Variants in DLGAP1 observed in about 807,000 individuals in gnomAD.
DLGAP1 encodes the protein DLG associated protein 1.
A neutral mutation model predicts 90.8 loss-of-function variants in DLGAP1; 11 were observed. That is an observed-to-expected ratio of 0.12 (90% CI 0.08 to 0.20). DLGAP1 has a LOEUF of 0.20. Among genes scored for constraint, DLGAP1 ranks in the 10% least tolerant of loss-of-function variants. The pLI, the probability that DLGAP1 is intolerant of heterozygous loss-of-function variation, is 1.00. For synonymous variants in DLGAP1, 558 were observed against 540.7 expected, an observed-to-expected ratio of 1.03 and a Z score of -0.44; for missense variants, 1,050 against 1,333.8, an observed-to-expected ratio of 0.79 and a Z score of 3.31.
intron 1 of DLGAP1, among the ~76,000 whole-genome samples, chr18:4,411,629 G>C (rs1345804581): frequency 6.6e-6 from 1 of 152,158 alleles, no homozygotes; most frequent in Non-Finnish European, 1.5e-5. Context: ...CAGCGAGGCA[G>C]CTTTTCTTCT....
At chr18:4,266,198 CCATCA>C (rs2079128567) in intron 1 of DLGAP1, among the ~76,000 whole-genome samples, 2 of 152,294 alleles carry the variant, frequency 1.3e-5, no homozygotes, top group Non-Finnish European at 2.9e-5. Flanking sequence ...CAACCAACCT[CCATCA>C]CTTCTTCTTG....
chr18:4,327,087 A>C (rs2080835170), intron 1 of DLGAP1, among the ~76,000 whole-genome samples: 1 of 108,770 alleles, frequency 9.2e-6, no homozygotes, highest in East Asian at 2.7e-4. Context: ...TGTTAATTAA[A>C]GAATACAAAT....
intron 1 of DLGAP1, among the ~76,000 whole-genome samples, chr18:4,186,176 A>T (rs2077292117): frequency 6.6e-6 from 1 of 152,202 alleles, no homozygotes; most frequent in Non-Finnish European, 1.5e-5. Flanking sequence ...GCTGGATTTT[A>T]GACCTTTTTC....
intron 1 of DLGAP1, among the ~76,000 whole-genome samples, chr18:4,283,392 G>T (rs775408890): frequency 6.6e-6 from 1 of 152,084 alleles, no homozygotes; most frequent in African/African-American, 2.4e-5. Flanking sequence ...TGTAGCAAAA[G>T]GATTAGATTT....
chr18:3,927,710 A>G (rs2072423311), intron 3 of DLGAP1, among the ~76,000 whole-genome samples: 1 of 152,248 alleles, frequency 6.6e-6, no homozygotes, highest in African/African-American at 2.4e-5. Flanking sequence ...AGAGTCTTTA[A>G]ACATGAAGTC....
At chr18:4,346,130 T>C (rs557842073) in intron 1 of DLGAP1, among the ~76,000 whole-genome samples, 30 of 152,324 alleles carry the variant, frequency 2.0e-4, no homozygotes, top group African/African-American at 5.8e-4. Context: ...ATGTTACTCA[T>C]ACATGTTAAA....
chr18:3,950,282 T>C (rs145453377), intron 3 of DLGAP1, among the ~76,000 whole-genome samples: 1 of 152,350 alleles, frequency 6.6e-6, no homozygotes, highest in East Asian at 1.9e-4. Flanking sequence ...TTCACACACA[T>C]ATACTTCCTG....
At chr18:4,211,793 AC>A (rs2077846875) in intron 1 of DLGAP1, among the ~76,000 whole-genome samples, 1 of 152,132 alleles carries the variant, frequency 6.6e-6, no homozygotes, top group African/African-American at 2.4e-5. Flanking sequence ...CAGGCAAGTG[AC>A]AGGTGCTATT....
chr18:4,455,203 C>T lies in DLGAP1; in HGVS notation c.-464G>A, dbSNP rs1361369661. ...CCGATTCCCCGAGGCGGAAGGTGTC[C>T]GCGAGGCCGTGTCCTGGAGATTGCG... is the stretch of plus-strand genomic sequence containing the variant. On this transcript the variant is annotated 5_prime_UTR_variant, in exon 1 of 13. Coordinates refer to ENST00000315677, the MANE Select transcript of DLGAP1 (RefSeq NM_004746.4). 6.6e-6 allele frequency: 1 copy of T among 151,510 alleles called. No individual in the cohort carries two copies. Among genetic ancestry groups the T allele is most frequent in the South Asian group, 2.1e-4 (1 of 4,832 alleles). 9.4% of individuals were successfully genotyped at this position (151,510 alleles called of 1,614,324 possible).
chr18:4,033,345 A>G (rs2074830358), intron 2 of DLGAP1, among the ~76,000 whole-genome samples: 1 of 151,870 alleles, frequency 6.6e-6, no homozygotes, highest in Non-Finnish European at 1.5e-5. Flanking sequence ...AGGAAATATA[A>G]ATTACTTAAA....
At chr18:4,269,570 G>A (rs373120937) in intron 1 of DLGAP1, among the ~76,000 whole-genome samples, 8 of 151,818 alleles carry the variant, frequency 5.3e-5, no homozygotes, top group African/African-American at 7.3e-5. Flanking sequence ...TAGCCAGGAT[G>A]GTCTCGATCT....
chr18:3,522,070 A>G (rs963064860), intron 10 of DLGAP1, among the ~76,000 whole-genome samples: 1 of 150,740 alleles, frequency 6.6e-6, no homozygotes, highest in Non-Finnish European at 1.5e-5. Flanking sequence ...GTGGATGATG[A>G]ATTATATTTC....
At chr18:3,561,553 AC>A (rs1474365672) in intron 9 of DLGAP1, among the ~76,000 whole-genome samples, 1 of 150,620 alleles carries the variant, frequency 6.6e-6, no homozygotes. Context: ...TCTGCTGGCA[AC>A]AAATTCCCTC....
chr18:4,010,764 G>A (rs962760619), intron 2 of DLGAP1, among the ~76,000 whole-genome samples: 11 of 151,886 alleles, frequency 7.2e-5, no homozygotes, highest in Non-Finnish European at 1.5e-4. Flanking sequence ...TTCAAGATCC[G>A]CATCTTTTTC....
At chr18:4,432,621 T>C (rs1175717035) in intron 1 of DLGAP1, among the ~76,000 whole-genome samples, 3 of 151,852 alleles carry the variant, frequency 2.0e-5, no homozygotes, top group African/African-American at 7.3e-5. Flanking sequence ...TGTGTGTGTG[T>C]GTGTGGTGAG....
chr18:3,513,319 A>T (rs368962049), intron 10 of DLGAP1, among the ~76,000 whole-genome samples: 15 of 152,214 alleles, frequency 9.9e-5, no homozygotes, highest in African/African-American at 3.4e-4. Flanking sequence ...ATGAGGTCTC[A>T]CTGTGTTGTC....
At chr18:3,669,841 G>A (rs752004496) in intron 7 of DLGAP1, among the ~76,000 whole-genome samples, 5 of 152,202 alleles carry the variant, frequency 3.3e-5, no homozygotes, top group South Asian at 2.1e-4. Flanking sequence ...GCGGATCTAA[G>A]TGAACTAACA....
At chr18:3,522,022 G>A (rs1053426448) in intron 10 of DLGAP1, among the ~76,000 whole-genome samples, 2 of 151,540 alleles carry the variant, frequency 1.3e-5, no homozygotes, top group Non-Finnish European at 2.9e-5. Context: ...GACTAGCCTG[G>A]AAAAGTCACA....
intron 1 of DLGAP1, among the ~76,000 whole-genome samples, chr18:4,418,093 A>G (rs2082943424): frequency 6.6e-6 from 1 of 152,166 alleles, no homozygotes; most frequent in Non-Finnish European, 1.5e-5. Context: ...TACTAGAGGA[A>G]TTTGAAACCT....
Sources: allele counts gnomAD v4.1 joint callset (sites outside exome capture counted in the v4.1 genomes callset), GRCh38; gene constraint gnomAD v4.1.1; transcripts MANE v1.5; gene names NCBI Gene and HGNC (gene_info 2026-07-23, HGNC 2026-07-21).